FADS2: variants seen among roughly 807,000 people sequenced by gnomAD.
FADS2 encodes the protein acyl-CoA 6-desaturase.
Under a neutral mutation model 61.2 loss-of-function variants are expected in FADS2, and 18 were observed. The ratio of observed to expected loss-of-function variants is 0.29; its 90% CI spans 0.20 to 0.44. The LOEUF (loss-of-function observed/expected upper bound fraction) is 0.44, where lower values mean the gene tolerates loss of function less well. FADS2 is among the 20% of genes least tolerant of loss of function. The pLI is 1.00. For synonymous variants in FADS2, 203 were observed against 223.9 expected, an observed-to-expected ratio of 0.91 and a Z score of 0.83; for missense variants, 322 against 572.7, an observed-to-expected ratio of 0.56 and a Z score of 4.47.
At chr11:61,861,371 A>AAAAAAAAAAAAAAAAAAAAAAAAAAAC (rs1555078396) in intron 7 of FADS2, among the ~76,000 whole-genome samples, 19 of 106,532 alleles carry the variant, frequency 1.8e-4, no homozygotes, top group Non-Finnish European at 4.1e-4. Flanking sequence ...AAAAAAAAAA[A>AAAAAAAAAAAAAAAAAAAAAAAAAAAC]CAGAAATTAG....
chr11:61,848,743 C>T (rs760742323), intron 5 of FADS2: 13 of 167,440 alleles, frequency 7.8e-5, no homozygotes, highest in Non-Finnish European at 1.6e-4. Context: ...CAAGCTTGGT[C>T]GCCAACCGAC....
intron 2 of FADS2, among the ~76,000 whole-genome samples, chr11:61,839,976 A>T (rs1338254128): frequency 6.6e-6 from 1 of 152,246 alleles, no homozygotes; most frequent in African/African-American, 2.4e-5. Flanking sequence ...CATTGCATGG[A>T]TAGACCACGT....
At chr11:61,841,145 G>A (rs12281373) in intron 4 of FADS2, among the ~76,000 whole-genome samples, 1,862 of 151,012 alleles carry the variant, frequency 0.012, 42 homozygotes, top group African/African-American at 0.043. Context: ...CTCCACCTCC[G>A]GGTTCAAGCA....
Position 61,863,088 on chromosome 11 carries a change from T to C in FADS2, c.980+19T>C, listed in dbSNP as rs200540770. 96 of 1,604,312 alleles carry C rather than the reference T, an allele frequency of 6.0e-5. No individual in the cohort carries two copies. In the African/African-American group the frequency reaches 8.4e-4, roughly 14 times the overall value. On this transcript the variant is annotated intron_variant, in intron 8 of 11. Coordinates refer to ENST00000278840, the MANE Select transcript of FADS2 (RefSeq NM_004265.4). ...TCATCAGGTGCCTGGGCTTTGCTGATTCATCCCTGGGCCCTCCACTGGCAC... is the reference window on the plus strand; with the variant it reads ...TCATCAGGTGCCTGGGCTTTGCTGACTCATCCCTGGGCCCTCCACTGGCAC...
intron 7 of FADS2, 50 bp downstream of exon 7, chr11:61,857,580 CA>C (rs1008059077): frequency 4.2e-5 from 64 of 1,534,300 alleles, no homozygotes; most frequent in African/African-American, 5.5e-5. Context: ...GTGACTGGGA[CA>C]GGGGGACCCG....
chr11:61,824,461 A>G (rs1212138969), upstream of FADS2, among the ~76,000 whole-genome samples: 1 of 4,606 alleles, frequency 2.2e-4, no homozygotes, highest in Non-Finnish European at 7.1e-4. Context: ...GGAGGGAGGG[A>G]GAGAGAGAGA....
At chr11:61,864,388 T>A (rs1019427800) in intron 10 of FADS2, among the ~76,000 whole-genome samples, 1 of 151,548 alleles carries the variant, frequency 6.6e-6, no homozygotes, top group East Asian at 1.9e-4. Context: ...TTTTTTTTTT[T>A]ACTTTTATTT....
At chr11:61,821,085 T>A (rs889700892) in intron 1 of FADS2, among the ~76,000 whole-genome samples, 2 of 152,252 alleles carry the variant, frequency 1.3e-5, no homozygotes, top group Admixed American at 6.5e-5. Flanking sequence ...AGGAAACCTT[T>A]GCCTTGCAGG....
upstream of FADS2, among the ~76,000 whole-genome samples, chr11:61,824,386 GAAA>G (rs1213150632): frequency 8.7e-6 from 1 of 115,370 alleles, no homozygotes; most frequent in Admixed American, 9.4e-5. Context: ...CATCTTGGGG[GAAA>G]AAAAAAGAGA....
upstream of FADS2, chr11:61,826,462 G>GC: frequency 1.5e-6 from 1 of 674,622 alleles, no homozygotes; most frequent in South Asian, 1.5e-5. Flanking sequence ...CCTGCTCCGA[G>GC]CTCCACACCC....
intron 1 of FADS2, among the ~76,000 whole-genome samples, chr11:61,833,687 G>A (rs1011407527): frequency 3.7e-4 from 57 of 152,344 alleles, no homozygotes; most frequent in African/African-American, 1.2e-3. Flanking sequence ...CCCGTGGCTC[G>A]CCTGCGTCAC....
rs1030515629 is a variant in FADS2, at chr11:61,865,292, T to G, written c.1283+15T>G. 6.2e-7 allele frequency: 1 copy of G among 1,611,436 alleles called. No homozygotes were observed. Among genetic ancestry groups the G allele is most frequent in the African/African-American group, 1.3e-5 (1 of 74,782 alleles). On this transcript the variant is annotated intron_variant, in intron 11 of 11. Coordinates refer to ENST00000278840, the MANE Select transcript of FADS2 (RefSeq NM_004265.4). The surrounding 1 kb of genome is among the most constrained non-coding windows in gnomAD (Gnocchi z 4.1). Reference sequence around the variant, plus strand: ...GACATCATCAGGTGAGGGGTGGAGGTCCACAGGCGCTGGGCCCTGGGATCA... The same window carrying G: ...GACATCATCAGGTGAGGGGTGGAGGGCCACAGGCGCTGGGCCCTGGGATCA...
chr11:61,850,375 C>T (rs1283004215), intron 5 of FADS2, among the ~76,000 whole-genome samples: 2 of 152,106 alleles, frequency 1.3e-5, no homozygotes, highest in Admixed American at 1.3e-4. Flanking sequence ...CTCAGCCTCC[C>T]GAGTAGATGG....
At chr11:61,857,588 C>T in intron 7 of FADS2, 58 bp downstream of exon 7, 4 of 1,475,432 alleles carry the variant, frequency 2.7e-6, no homozygotes, top group Non-Finnish European at 3.8e-6. Context: ...GACAGGGGGA[C>T]CCGGGGGTCC....
At position 61,833,222 on chromosome 11, in the gene FADS2, G is replaced by C. The variant is rs141966108; in HGVS notation, c.208-4556G>C. On this transcript the variant is annotated intron_variant, in intron 1 of 11. Transcript: ENST00000278840. ...CAATCCTTTCTCTTCCCCATGTCCC[G>C]GGTCCTCTTCCTGGAAAGTCTCTGG... 1.3e-4 allele frequency among the ~76,000 whole-genome samples: 20 copies of C among 152,154 alleles called. No individual in the cohort carries two copies. In the East Asian group the frequency reaches 3.9e-3, roughly 29 times the overall value.
rs1264221934 is a variant in FADS2, at chr11:61,821,288, G to A, written c.141+4862G>A. On this transcript the variant is annotated intron_variant, in intron 1 of 11. Transcript: ENST00000257261. ...TAATCCCAGTGCTTTGGGAGGCTGA[G>A]GTGGGAGGATTACTTGAGCTCAGGA... is the stretch of plus-strand genomic sequence containing the variant. 1.1e-5 allele frequency: 7 copies of A among 644,964 alleles called. No individual in the cohort carries two copies. In the East Asian group the frequency reaches 1.6e-4, roughly 15 times the overall value. 40.0% of individuals were successfully genotyped at this position (644,964 alleles called of 1,614,324 possible).
intron 1 of FADS2, chr11:61,817,243 C>T (rs1373309588): frequency 3.0e-6 from 1 of 333,754 alleles, no homozygotes; most frequent in Non-Finnish European, 5.4e-6. Context: ...CACGAGGCTG[C>T]CCGGGCGGTC....
At chr11:61,863,217 G>A in intron 8 of FADS2, 65 bp from the exon 9 acceptor site, 1 of 1,476,450 alleles carries the variant, frequency 6.8e-7, no homozygotes, top group South Asian at 1.1e-5. Context: ...GGTTGGGAGA[G>A]TGGATCTGTT....
chr11:61,841,055 A>AT (rs200202925), intron 4 of FADS2, among the ~76,000 whole-genome samples: 22,956 of 141,512 alleles, frequency 0.16, 2,152 homozygotes, highest in East Asian at 0.43. Context: ...AAGTAGCAGT[A>AT]TTTTTTTTTT....
Sources: gnomAD v4.1 joint callset for allele counts (sites outside exome capture counted in the v4.1 genomes callset) on GRCh38, gnomAD v4.1.1 for gene constraint, Gnocchi (gnomAD v3.1) non-coding constraint, MANE v1.5 for transcripts, NCBI Gene and HGNC (gene_info 2026-07-23, HGNC 2026-07-21) for gene names.